The following TLL1 variants were observed in gnomAD, a reference collection of about 807,000 sequenced individuals.
TLL1 encodes the protein tolloid-like protein 1.
Under a neutral mutation model 128.2 loss-of-function variants are expected in TLL1, and 49 were observed. The ratio of observed to expected loss-of-function variants is 0.38; its 90% CI spans 0.30 to 0.48. TLL1 has a LOEUF of 0.48. TLL1 is among the 20% of genes least tolerant of loss of function. TLL1 has a pLI of 0.96. For missense variants in TLL1, 1,123 were observed against 1,242.0 expected, an observed-to-expected ratio of 0.90 and a Z score of 1.44; for synonymous variants, 454 against 418.8, an observed-to-expected ratio of 1.08 and a Z score of -1.03.
chr4:165,992,674 T>C, intron 2 of TLL1, 130 bp from the exon 3 acceptor site: 1 of 807,460 alleles, frequency 1.2e-6, no homozygotes, highest in Non-Finnish European at 2.1e-6. Context: ...TTCATGGATA[T>C]TCATAATTTC....
chr4:166,037,863 A>G (rs558534663), intron 9 of TLL1, among the ~76,000 whole-genome samples: 1 of 152,002 alleles, frequency 6.6e-6, no homozygotes, highest in South Asian at 2.1e-4. Context: ...TTTTTAAAAA[A>G]TTCCACCCCT....
At chr4:165,881,538 T>G (rs1299662069) in intron 1 of TLL1, among the ~76,000 whole-genome samples, 1 of 152,248 alleles carries the variant, frequency 6.6e-6, no homozygotes, top group Non-Finnish European at 1.5e-5. Context: ...TGCCTCTTGC[T>G]TTTAGTGTTC....
rs118084498 is a variant in TLL1, at chr4:165,877,210, C to T, written c.169+3137C>T. ...ATGAAACTATAGGGTAGGAAGGAAT[C>T]CTTGTGTTAATTTGATAGGATTTTT... On this transcript the variant is annotated intron_variant, in intron 1 of 20. Transcript: ENST00000061240. Among the ~76,000 whole-genome samples the T allele has an allele frequency of 6.7e-3, 1,016 of 152,278 alleles. 6 individuals carry two copies. The highest frequency in any genetic ancestry group is 0.043 in the East Asian group (225 of 5,180).
chr4:165,958,978 C>T (rs1406686202), intron 1 of TLL1, among the ~76,000 whole-genome samples: 1 of 132,000 alleles, frequency 7.6e-6, no homozygotes, highest in Non-Finnish European at 1.6e-5. Context: ...AATCCTTTCC[C>T]CGTTGCTTGT....
intron 1 of TLL1, among the ~76,000 whole-genome samples, chr4:165,877,773 CTTTCTTTTTTTTT>C (rs1479402871): frequency 2.2e-5 from 3 of 137,644 alleles, no homozygotes; most frequent in Non-Finnish European, 4.5e-5. Context: ...TTCCCTTCTT[CTTTCTTTTTTTTT>C]TTTCTTTTTT....
At chr4:165,976,168 A>C (rs1157094906) in intron 1 of TLL1, among the ~76,000 whole-genome samples, 1 of 152,162 alleles carries the variant, frequency 6.6e-6, no homozygotes, top group African/African-American at 2.4e-5. Context: ...GAAAAGAATG[A>C]ATATGACACT....
At chr4:165,876,621 A>G (rs1003276219) in intron 1 of TLL1, among the ~76,000 whole-genome samples, 1 of 152,234 alleles carries the variant, frequency 6.6e-6, no homozygotes, top group Non-Finnish European at 1.5e-5. Flanking sequence ...CAACAGCTCA[A>G]TATGGTAGAG....
At chr4:165,956,287 A>G (rs570448832) in intron 1 of TLL1, among the ~76,000 whole-genome samples, 8 of 152,098 alleles carry the variant, frequency 5.3e-5, no homozygotes, top group African/African-American at 1.7e-4. Flanking sequence ...TCTGACCACA[A>G]ATTTACCAGG....
chr4:165,978,442 G>A (rs1049943361), intron 1 of TLL1, among the ~76,000 whole-genome samples: 3 of 151,878 alleles, frequency 2.0e-5, no homozygotes, highest in African/African-American at 7.3e-5. Flanking sequence ...AAAAATGTGG[G>A]TTCTTAAAGA....
At chr4:165,903,580 T>C (rs1314446788) in intron 1 of TLL1, among the ~76,000 whole-genome samples, 2 of 151,482 alleles carry the variant, frequency 1.3e-5, no homozygotes, top group Non-Finnish European at 2.9e-5. Context: ...GCCCCACTAA[T>C]TTTTGTATTT....
intron 2 of TLL1, among the ~76,000 whole-genome samples, chr4:165,990,420 G>C (rs1437360870): frequency 6.6e-6 from 1 of 151,892 alleles, no homozygotes; most frequent in East Asian, 1.9e-4. Context: ...ATGGACTTAA[G>C]ACTTTTTACT....
intron 1 of TLL1, among the ~76,000 whole-genome samples, chr4:165,983,028 T>A (rs868809659): frequency 1.1e-4 from 16 of 151,990 alleles, no homozygotes; most frequent in Middle Eastern, 3.4e-3. Flanking sequence ...AGAATGGAAG[T>A]TTTTTTAAAA....
At chr4:165,918,717 C>T (rs1258588660) in intron 1 of TLL1, among the ~76,000 whole-genome samples, 2 of 152,142 alleles carry the variant, frequency 1.3e-5, no homozygotes, top group African/African-American at 4.8e-5. Flanking sequence ...CTATCATTTT[C>T]ATTTCCTCTA....
rs543908018 is a variant in TLL1 at position 166,065,612 on chromosome 4, G to A, written c.2008-71G>A. 45 of 1,528,554 alleles carry A rather than the reference G, an allele frequency of 2.9e-5. No individual in the cohort carries two copies. The African/African-American group carries it at 5.9e-4, about 20-fold the overall frequency. 94.7% of individuals were successfully genotyped at this position (1,528,554 alleles called of 1,614,324 possible). A position where few individuals can be genotyped will look rare whatever the true frequency, so the allele number is the denominator to read the frequency against. On this transcript the variant is annotated intron_variant, in intron 15 of 20. Transcript: ENST00000061240. Reference sequence around the variant, plus strand: ...GAGTAAAATGGGAAAAATAAGATATGTTTTTTTAAGATAAATGTCAATCAT... The same window carrying A: ...GAGTAAAATGGGAAAAATAAGATATATTTTTTTAAGATAAATGTCAATCAT...
intron 1 of TLL1, among the ~76,000 whole-genome samples, chr4:165,899,193 GA>G (rs1398213540): frequency 2.0e-5 from 3 of 152,074 alleles, no homozygotes; most frequent in East Asian, 3.9e-4. Context: ...TTGATTTTTT[GA>G]AGGGTTTTTG....
At chr4:166,044,053 T>C (rs1345574698) in intron 12 of TLL1, among the ~76,000 whole-genome samples, 2 of 152,130 alleles carry the variant, frequency 1.3e-5, no homozygotes, top group Non-Finnish European at 2.9e-5. Flanking sequence ...GGGACTGAGT[T>C]AAACATTTAA....
At chr4:165,880,465 T>G (rs188199768) in intron 1 of TLL1, among the ~76,000 whole-genome samples, 3 of 152,226 alleles carry the variant, frequency 2.0e-5, no homozygotes, top group Non-Finnish European at 4.4e-5. Flanking sequence ...AAAGAACTTC[T>G]TTGAATGATA....
At chr4:165,926,684 T>A (rs1186713887) in intron 1 of TLL1, among the ~76,000 whole-genome samples, 1 of 152,160 alleles carries the variant, frequency 6.6e-6, no homozygotes, top group East Asian at 1.9e-4. Context: ...TCGTGTTTAT[T>A]GATATTTAAG....
chr4:166,056,226 G>T (rs1459577845), intron 13 of TLL1, among the ~76,000 whole-genome samples: 1 of 151,982 alleles, frequency 6.6e-6, no homozygotes. Flanking sequence ...ATGCTATCAA[G>T]CTTCTTTCAT....
Sources: gnomAD v4.1 joint callset for allele counts (sites outside exome capture counted in the v4.1 genomes callset) on GRCh38, gnomAD v4.1.1 for gene constraint, MANE v1.5 for transcripts, NCBI Gene and HGNC (gene_info 2026-07-23, HGNC 2026-07-21) for gene names.